PCDHGA3: variants seen among roughly 807,000 people sequenced by gnomAD.
PCDHGA3 encodes protocadherin gamma subfamily A, 3, also known as protocadherin gamma-A3.
PCDHGA3 carries 40 observed loss-of-function variants against 58.5 expected under a neutral mutation model. That is an observed-to-expected ratio of 0.68 (90% CI 0.53 to 0.89). The LOEUF is 0.89. Ranked by LOEUF, PCDHGA3 falls within the 40% of genes least tolerant of loss-of-function variation. The pLI is 0.00. For synonymous variants in PCDHGA3, 530 were observed against 525.7 expected, an observed-to-expected ratio of 1.01 and a Z score of -0.11; for missense variants, 1,223 against 1,195.9, an observed-to-expected ratio of 1.02 and a Z score of -0.33.
Position 141,379,889 on chromosome 5 carries a change from C to CTTTTTTTT in PCDHGA3, c.2424+33455_2424+33462dup, listed in dbSNP as rs70988800. On this transcript the variant is annotated intron_variant, in intron 1 of 3. Transcript: ENST00000253812. ...CTTATTTTATGGTCTGTGAAAGCCT[C>CTTTTTTTT]TTTTTTTTTTTTTTTTTTTTTTTTT... Among the ~76,000 whole-genome samples the CTTTTTTTT allele has an allele frequency of 4.7e-3, 239 of 50,824 alleles. 36 individuals carry two copies. The highest frequency in any genetic ancestry group is 8.3e-3 in the African/African-American group (125 of 15,078). The allele number at this position is 50,824 out of a possible 152,430, so 33.3% of individuals were successfully genotyped here.
rs755899945 is a variant in PCDHGA3, at chr5:141,361,809, T to A, written c.2424+15352T>A. Reference sequence around the variant, plus strand: ...TGTTAGTGGGCGACCTCAATGACAATGCGCCACGGGTGCTGTACCCCGCGC... The same window carrying A: ...TGTTAGTGGGCGACCTCAATGACAAAGCGCCACGGGTGCTGTACCCCGCGC... On this transcript the variant is annotated intron_variant, in intron 1 of 3. Coordinates refer to ENST00000253812, the MANE Select transcript of PCDHGA3 (RefSeq NM_018916.4). 10 of 1,612,970 alleles carry A rather than the reference T, an allele frequency of 6.2e-6. No homozygotes were observed. In the South Asian group the frequency reaches 9.9e-5, roughly 16 times the overall value.
intron 1 of PCDHGA3, chr5:141,378,655 G>A (rs963845635): frequency 2.6e-5 from 4 of 152,084 alleles, no homozygotes; most frequent in Admixed American, 6.5e-5. Context: ...ATGTTAATGA[G>A]GTTCAAATAA....
At chr5:141,382,900 A>G (rs564801333) in intron 1 of PCDHGA3, 1 of 1,542,254 alleles carries the variant, frequency 6.5e-7, no homozygotes, top group South Asian at 1.3e-5. Context: ...CAGGACGACT[A>G]TGGCGGCTCA....
intron 1 of PCDHGA3, 146 bp from the exon 2 acceptor site, chr5:141,494,661 G>C (rs2099755951): frequency 6.7e-7 from 1 of 1,492,856 alleles, no homozygotes; most frequent in African/African-American, 1.4e-5. Context: ...TTTGTCTTTG[G>C]AGATGAGTCC....
At chr5:141,404,524 G>C (rs368795324) in intron 1 of PCDHGA3, 3 of 1,613,938 alleles carry the variant, frequency 1.9e-6, no homozygotes, top group Non-Finnish European at 2.5e-6. Context: ...ACTATGAGCA[G>C]TTTAGAGATT....
rs747671382 is a variant in PCDHGA3 at position 141,444,152 on chromosome 5, ATTTTTTTTTTTTTTTTTTTT to A, written c.2425-50638_2425-50619del. ...GATATGTGTCACTTGTGTGTACTGG[ATTTTTTTTTTTTTTTTTTTT>A]TTTTTTTTTTTTTTTTGAGATGGAG... On this transcript the variant is annotated intron_variant, in intron 1 of 3. Transcript: ENST00000253812. 2.4e-4 allele frequency among the ~76,000 whole-genome samples: 8 copies of A among 33,898 alleles called. No homozygotes were observed. In the East Asian group the frequency reaches 3.0e-3, roughly 13 times the overall value. 22.2% of individuals were successfully genotyped at this position (33,898 alleles called of 152,430 possible). A position where few individuals can be genotyped will look rare whatever the true frequency, so the allele number is the denominator to read the frequency against.
intron 1 of PCDHGA3, chr5:141,356,910 T>G: frequency 6.2e-7 from 1 of 1,614,140 alleles, no homozygotes; most frequent in Admixed American, 1.7e-5. Flanking sequence ...TCCCTACTGA[T>G]GGCTCCACTG....
At chr5:141,463,808 T>C (rs1018369312) in intron 1 of PCDHGA3, among the ~76,000 whole-genome samples, 2 of 152,196 alleles carry the variant, frequency 1.3e-5, no homozygotes, top group African/African-American at 4.8e-5. Flanking sequence ...CTAAAAGCTT[T>C]TATCACACAT....
Position 141,345,970 on chromosome 5 carries a change from T to C in PCDHGA3, c.1937T>C (p.Val646Ala). 2 of 1,613,310 alleles carry C rather than the reference T, an allele frequency of 1.2e-6. No individual in the cohort carries two copies. Among genetic ancestry groups the C allele is most frequent in the Non-Finnish European group, 1.7e-6 (2 of 1,179,846 alleles). ...DALKQSLVVA[V>A]QDHGQPPLSA... ...CTCAAGCAGAGCCTCGTGGTGGCCG[T>C]CCAGGACCACGGCCAGCCCCCTCTC... The change falls in exon 1 of 4, where the codon GTC (valine) becomes GCC (alanine). Residue 646 changes from valine (V) to alanine (A), a missense_variant. Val to Ala is a moderately conservative substitution (Grantham distance 64). Transcript: ENST00000253812.
chr5:141,357,388 A>C (rs762308413), intron 1 of PCDHGA3: 2 of 1,614,224 alleles, frequency 1.2e-6, no homozygotes, highest in Non-Finnish European at 1.7e-6. Context: ...CGCTGAAGGC[A>C]GCAGGTTGGC....
chr5:141,395,305 A>G, intron 1 of PCDHGA3: 1 of 1,514,986 alleles, frequency 6.6e-7, no homozygotes. Flanking sequence ...TATGTTTTGA[A>G]AAACATTGTG....
chr5:141,390,851 G>T (rs2092239783), intron 1 of PCDHGA3: 1 of 157,664 alleles, frequency 6.3e-6, no homozygotes. Context: ...ATTATATGCA[G>T]TGTACGCTGT....
At chr5:141,501,355 A>G (rs936121172) in intron 2 of PCDHGA3, among the ~76,000 whole-genome samples, 4 of 151,760 alleles carry the variant, frequency 2.6e-5, no homozygotes, top group African/African-American at 9.7e-5. Flanking sequence ...ATAGGGCAAG[A>G]ACCATATTCA....
chr5:141,393,676 A>G (rs767754951), intron 1 of PCDHGA3: 2 of 1,613,954 alleles, frequency 1.2e-6, no homozygotes, highest in South Asian at 1.1e-5. Flanking sequence ...AATGAAAAAC[A>G]AACTCCGTTA....
chr5:141,372,230 C>T lies in PCDHGA3; in HGVS notation c.2424+25773C>T, dbSNP rs781407090. ...TGTCCTACCACATTGTGCAGGCCAG[C>T]GAGCCCGGGCTGTTCAGCCTGGGCC... On this transcript the variant is annotated intron_variant, in intron 1 of 3. Coordinates refer to ENST00000253812, the MANE Select transcript of PCDHGA3 (RefSeq NM_018916.4). The T allele has an allele frequency of 6.2e-6, 10 of 1,613,346 alleles. No individual in the cohort carries two copies. In the East Asian group the frequency reaches 2.2e-4, roughly 36 times the overall value.
At chr5:141,415,469 C>G (rs1247738517) in intron 1 of PCDHGA3, 1 of 1,614,090 alleles carries the variant, frequency 6.2e-7, no homozygotes, top group Non-Finnish European at 8.5e-7. Context: ...TCTCTCACCG[C>G]GGACTCGCGA....
intron 1 of PCDHGA3, chr5:141,383,563 C>T: frequency 6.2e-7 from 1 of 1,613,152 alleles, no homozygotes; most frequent in South Asian, 1.1e-5. Context: ...CGACCCGCCC[C>T]GATCCAGCAC....
chr5:141,455,542 C>T (rs2154565110), intron 1 of PCDHGA3, among the ~76,000 whole-genome samples: 1 of 152,246 alleles, frequency 6.6e-6, no homozygotes, highest in African/African-American at 2.4e-5. Flanking sequence ...ATATCATTCA[C>T]GTAGCCCGAG....
intron 1 of PCDHGA3, chr5:141,398,838 T>C: frequency 6.2e-7 from 1 of 1,613,946 alleles, no homozygotes; most frequent in Non-Finnish European, 8.5e-7. Context: ...ACGCCAATGA[T>C]AATCCCCCGG....
Sources: allele counts gnomAD v4.1 joint callset (sites outside exome capture counted in the v4.1 genomes callset), GRCh38; gene constraint gnomAD v4.1.1; transcripts MANE v1.5; gene names NCBI Gene and HGNC (gene_info 2026-07-23, HGNC 2026-07-21).